ZNF521: variants seen among roughly 807,000 people sequenced by gnomAD.
ZNF521 encodes the protein zinc finger protein 521, also known as LYST-interacting protein 3.
A neutral mutation model predicts 105.5 loss-of-function variants in ZNF521; 14 were observed. The ratio of observed to expected loss-of-function variants is 0.13; its 90% CI spans 0.09 to 0.21. The LOEUF is 0.21. Ranked by LOEUF, ZNF521 falls within the 10% of genes least tolerant of loss-of-function variation. The probability of loss-of-function intolerance (pLI) is 1.00; values close to 1 mark genes in which losing one functional copy is unlikely to be tolerated. For missense variants in ZNF521, 1,233 were observed against 1,629.7 expected (o/e 0.76, Z 4.19); for synonymous variants, 635 against 606.0 (o/e 1.05, Z -0.70).
chr18:25,112,360 G>A (rs2034208787), intron 5 of ZNF521, among the ~76,000 whole-genome samples: 1 of 151,990 alleles, frequency 6.6e-6, no homozygotes, highest in Non-Finnish European at 1.5e-5. Context: ...GCCCCTTCCA[G>A]AAACACACCC....
chr18:25,148,228 G>A (rs2034981859), intron 5 of ZNF521, among the ~76,000 whole-genome samples: 1 of 152,212 alleles, frequency 6.6e-6, no homozygotes, highest in Non-Finnish European at 1.5e-5. Flanking sequence ...AGTAGGGCAT[G>A]TATGAATGTG....
chr18:25,286,557 C>T (rs766835820), intron 3 of ZNF521, among the ~76,000 whole-genome samples: 1 of 152,066 alleles, frequency 6.6e-6, no homozygotes, highest in Non-Finnish European at 1.5e-5. Context: ...CTATTTTATT[C>T]CTAAAGAAAA....
chr18:25,256,770 TG>T (rs1415007029), intron 3 of ZNF521, among the ~76,000 whole-genome samples: 1 of 151,732 alleles, frequency 6.6e-6, no homozygotes, highest in Non-Finnish European at 1.5e-5. Context: ...AGAACAGTGT[TG>T]GGTCAGAAAT....
chr18:25,300,346 C>G (rs1340833413), intron 3 of ZNF521, among the ~76,000 whole-genome samples: 1 of 152,110 alleles, frequency 6.6e-6, no homozygotes. Flanking sequence ...ACTTTCATAA[C>G]CTAGCAATAA....
At chr18:25,089,716 G>A in intron 6 of ZNF521, 136 bp from the exon 7 acceptor site, 1 of 683,908 alleles carries the variant, frequency 1.5e-6, no homozygotes, top group Non-Finnish European at 2.6e-6. Flanking sequence ...CCTGGGGAGA[G>A]CTGAGTCACA....
intron 3 of ZNF521, among the ~76,000 whole-genome samples, chr18:25,292,473 C>T (rs1173231181): frequency 6.6e-6 from 1 of 152,106 alleles, no homozygotes; most frequent in African/African-American, 2.4e-5. Context: ...TAAATCCTCC[C>T]CAGAGCTTTT....
chr18:25,072,718 T>C (rs1325361909), intron 7 of ZNF521, among the ~76,000 whole-genome samples: 1 of 152,146 alleles, frequency 6.6e-6, no homozygotes, highest in Non-Finnish European at 1.5e-5. Flanking sequence ...AGGGAGAGTG[T>C]AAAGATTTCA....
intron 5 of ZNF521, among the ~76,000 whole-genome samples, chr18:25,103,211 T>C (rs1420045498): frequency 6.6e-6 from 1 of 152,144 alleles, no homozygotes; most frequent in Non-Finnish European, 1.5e-5. Flanking sequence ...GGGTCTGAGC[T>C]GTCAGTCTGA....
intron 3 of ZNF521, among the ~76,000 whole-genome samples, chr18:25,233,335 C>CT (rs202052117): frequency 1.3e-4 from 20 of 151,426 alleles, no homozygotes; most frequent in South Asian, 2.1e-4. Flanking sequence ...TATCATGCTT[C>CT]TTTTTAAAAA....
intron 2 of ZNF521, among the ~76,000 whole-genome samples, chr18:25,349,046 C>T (rs925854942): frequency 6.6e-6 from 1 of 152,054 alleles, no homozygotes; most frequent in Non-Finnish European, 1.5e-5. Flanking sequence ...ATCGTGCAAA[C>T]TTTAATAAAC....
At chr18:25,331,901 T>TC (rs1448730294) in intron 2 of ZNF521, among the ~76,000 whole-genome samples, 3 of 150,314 alleles carry the variant, frequency 2.0e-5, no homozygotes, top group African/African-American at 4.9e-5. Flanking sequence ...TTCTTTTTTT[T>TC]TTTTTTTAAA....
chr18:25,323,042 T>A (rs1285723681), intron 2 of ZNF521, among the ~76,000 whole-genome samples: 1 of 151,846 alleles, frequency 6.6e-6, no homozygotes, highest in Non-Finnish European at 1.5e-5. Flanking sequence ...CGCTTTTTGA[T>A]TAGTTACGCT....
Position 25,351,985 on chromosome 18 carries a change from G to T in ZNF521, c.-2+20C>A. ...GAGGAGGAGAAGGAGTGTGCTGTGTGCTCCCTCCTCATCACAAACCTGCAA... is the reference window on the plus strand; with the variant it reads ...GAGGAGGAGAAGGAGTGTGCTGTGTTCTCCCTCCTCATCACAAACCTGCAA... On this transcript the variant is annotated intron_variant, in intron 1 of 7. Transcript: ENST00000361524. 2.3e-6 allele frequency: 1 copy of T among 430,654 alleles called. No individual in the cohort carries two copies. The highest frequency in any genetic ancestry group is 4.7e-6 in the Non-Finnish European group (1 of 211,402). The allele number at this position is 430,654 out of a possible 1,614,324, so 26.7% of individuals were successfully genotyped here. A position where few individuals can be genotyped will look rare whatever the true frequency, so the allele number is the denominator to read the frequency against.
chr18:25,168,907 C>T (rs899022221), intron 5 of ZNF521, among the ~76,000 whole-genome samples: 1 of 152,080 alleles, frequency 6.6e-6, no homozygotes, highest in African/African-American at 2.4e-5. Context: ...AGACTCAGTA[C>T]ACAAACTGTA....
intron 7 of ZNF521, among the ~76,000 whole-genome samples, chr18:25,070,747 G>A (rs1025549507): frequency 1.3e-5 from 2 of 152,036 alleles, no homozygotes; most frequent in Non-Finnish European, 2.9e-5. Context: ...CCCTGACACT[G>A]CCACATATCT....
At chr18:25,098,419 T>C (rs1384422721) in intron 5 of ZNF521, among the ~76,000 whole-genome samples, 1 of 152,152 alleles carries the variant, frequency 6.6e-6, no homozygotes, top group Admixed American at 6.5e-5. Flanking sequence ...CAAATAGCTT[T>C]AAAGGTAAAA....
At chr18:25,189,457 T>A (rs1013588074) in intron 5 of ZNF521, among the ~76,000 whole-genome samples, 2 of 152,146 alleles carry the variant, frequency 1.3e-5, no homozygotes, top group Non-Finnish European at 2.9e-5. Flanking sequence ...TAACACTTCA[T>A]TTTACGTAAG....
chr18:25,174,467 T>C (rs2035501423), intron 5 of ZNF521, among the ~76,000 whole-genome samples: 1 of 152,208 alleles, frequency 6.6e-6, no homozygotes, highest in Admixed American at 6.5e-5. Flanking sequence ...GTATAAATAA[T>C]GAACTGCTGC....
At chr18:25,244,282 G>GCACACACACACA (rs57083520) in intron 3 of ZNF521, among the ~76,000 whole-genome samples, 1 of 147,334 alleles carries the variant, frequency 6.8e-6, no homozygotes, top group African/African-American at 2.5e-5. Flanking sequence ...GTATGCATGT[G>GCACACACACACA]CACACACACA....
Sources: allele counts gnomAD v4.1 joint callset (sites outside exome capture counted in the v4.1 genomes callset), GRCh38; gene constraint gnomAD v4.1.1; transcripts MANE v1.5; gene names NCBI Gene and HGNC (gene_info 2026-07-23, HGNC 2026-07-21).